The following CEP135 variants were observed in gnomAD, a reference collection of about 807,000 sequenced individuals.
CEP135 encodes the protein centrosomal protein of 135 kDa.
CEP135 carries 142 observed loss-of-function variants against 157.3 expected under a neutral mutation model. The observed-to-expected ratio is 0.90, with a 90% CI of 0.79 to 1.04. The LOEUF (loss-of-function observed/expected upper bound fraction) is 1.04. Ranked by LOEUF, CEP135 falls within the 50% of genes least tolerant of loss-of-function variation. The probability of loss-of-function intolerance (pLI) is 0.00; values close to 1 mark genes in which losing one functional copy is unlikely to be tolerated. For synonymous variants in CEP135, 396 were observed against 439.8 expected, an observed-to-expected ratio of 0.90 and a Z score of 1.25; for missense variants, 1,317 against 1,309.2, an observed-to-expected ratio of 1.01 and a Z score of -0.09.
chr4:55,969,212 C>A, intron 9 of CEP135, 84 bp downstream of exon 9: 2 of 1,076,892 alleles, frequency 1.9e-6, no homozygotes, highest in East Asian at 2.5e-5. Flanking sequence ...CACCTGAGGT[C>A]AGGAGTTCGA....
At chr4:55,968,957 G>A in intron 8 of CEP135, 106 bp from the exon 9 acceptor site, 1 of 726,228 alleles carries the variant, frequency 1.4e-6, no homozygotes, top group Non-Finnish European at 2.2e-6. Context: ...AGATCTCACT[G>A]GTAAGAGGGA....
chr4:56,032,407 T>C lies in CEP135; in HGVS notation c.*1059T>C, dbSNP rs1731383386. On this transcript the variant is annotated 3_prime_UTR_variant, in exon 26 of 26. Transcript: ENST00000257287. Reference sequence around the variant, plus strand: ...CTGCGGTGAGCCAAGATCATGCCATTGCACTCCAGCCTGGGTGACAGAGTA... The same window carrying C: ...CTGCGGTGAGCCAAGATCATGCCATCGCACTCCAGCCTGGGTGACAGAGTA... The C allele has an allele frequency of 6.6e-6, 1 of 151,218 alleles. No homozygotes were observed. The highest frequency in any genetic ancestry group is 2.1e-4 in the South Asian group (1 of 4,794). 9.4% of individuals were successfully genotyped at this position (151,218 alleles called of 1,614,324 possible).
chr4:55,952,982 C>A, intron 2 of CEP135, 103 bp from the exon 3 acceptor site: 1 of 971,882 alleles, frequency 1.0e-6, no homozygotes, highest in Non-Finnish European at 1.4e-6. Context: ...AAAATGTCAT[C>A]ATGTGGTGCA....
chr4:56,014,608 C>T (rs769294395), intron 21 of CEP135, among the ~76,000 whole-genome samples: 10 of 152,038 alleles, frequency 6.6e-5, no homozygotes, highest in East Asian at 1.9e-4. Flanking sequence ...GGGATGAACT[C>T]GGATATTTAG....
intron 14 of CEP135, among the ~76,000 whole-genome samples, chr4:55,989,556 CTTTG>C (rs1252069430): frequency 2.6e-5 from 4 of 152,246 alleles, no homozygotes; most frequent in East Asian, 3.9e-4. Flanking sequence ...AAAAAAAAAT[CTTTG>C]TTTATCTACT....
rs1346569815 is a variant in CEP135 at position 55,998,772 on chromosome 4, G to GGA, written c.2010-528_2010-527dup. Among the ~76,000 whole-genome samples, 3 of 152,274 alleles carry GGA rather than the reference G, an allele frequency of 2.0e-5. No individual in the cohort carries two copies. The East Asian group carries it at 5.8e-4, about 29-fold the overall frequency. The stretch of plus-strand genomic sequence containing the variant: ...CCCAGCCTCTAGGGATGCTGAGGTG[G>GGA]GAGGATCACCTGAGCCCAGGAGGCG... On this transcript the variant is annotated intron_variant, in intron 15 of 25. Transcript: ENST00000257287.
At chr4:56,028,668 TGATAGTTAAATA>T (rs1731231197) in intron 25 of CEP135, among the ~76,000 whole-genome samples, 1 of 152,196 alleles carries the variant, frequency 6.6e-6, no homozygotes, top group Non-Finnish European at 1.5e-5. Flanking sequence ...AGTGTCTCTC[TGATAGTTAAATA>T]GACAATCCAA....
intron 13 of CEP135, among the ~76,000 whole-genome samples, chr4:55,984,587 A>G (rs987447649): frequency 6.6e-6 from 1 of 152,208 alleles, no homozygotes; most frequent in Non-Finnish European, 1.5e-5. Flanking sequence ...ACTCAATACT[A>G]GTTGAGCAAT....
intron 4 of CEP135, among the ~76,000 whole-genome samples, chr4:55,955,970 A>T (rs1728490307): frequency 6.6e-6 from 1 of 152,096 alleles, no homozygotes; most frequent in Non-Finnish European, 1.5e-5. Flanking sequence ...ATCTAGTGAG[A>T]TTATGTAGAC....
At chr4:55,968,350 A>G (rs1238376328) in intron 8 of CEP135, among the ~76,000 whole-genome samples, 1 of 151,106 alleles carries the variant, frequency 6.6e-6, no homozygotes, top group Non-Finnish European at 1.5e-5. Context: ...AATTCAGCGC[A>G]TTCCCTATCA....
chr4:55,989,118 A>G (rs577064441), intron 14 of CEP135, among the ~76,000 whole-genome samples: 50 of 152,320 alleles, frequency 3.3e-4, no homozygotes, highest in African/African-American at 1.1e-3. Context: ...TTCTCAGACT[A>G]TTGGCTATTC....
intron 12 of CEP135, among the ~76,000 whole-genome samples, chr4:55,980,886 T>G (rs1250099661): frequency 6.6e-6 from 1 of 152,134 alleles, no homozygotes; most frequent in Non-Finnish European, 1.5e-5. Flanking sequence ...AAGAGTCACT[T>G]AATGAGTTTT....
At chr4:55,961,810 A>G (rs1162774192) in intron 6 of CEP135, among the ~76,000 whole-genome samples, 1 of 144,586 alleles carries the variant, frequency 6.9e-6, no homozygotes, top group Admixed American at 7.3e-5. Flanking sequence ...TCTTCTGAGA[A>G]TGTCACCTTG....
intron 9 of CEP135, among the ~76,000 whole-genome samples, chr4:55,969,763 T>C (rs1469008186): frequency 6.6e-6 from 1 of 152,244 alleles, no homozygotes; most frequent in Non-Finnish European, 1.5e-5. Context: ...ACTTTATGAT[T>C]TGTTAGTTGA....
chr4:55,994,686 CTTT>C (rs1167874369), intron 15 of CEP135, among the ~76,000 whole-genome samples: 3 of 139,870 alleles, frequency 2.1e-5, no homozygotes, highest in Admixed American at 1.4e-4. Context: ...CAAGCATAAT[CTTT>C]TTTTTTTTTT....
intron 17 of CEP135, among the ~76,000 whole-genome samples, chr4:56,001,476 G>A (rs989375361): frequency 3.9e-5 from 6 of 152,046 alleles, no homozygotes; most frequent in African/African-American, 1.4e-4. Flanking sequence ...TCTGTATATG[G>A]TTATCCAGTT....
chr4:56,020,112 A>G lies in CEP135; in HGVS notation c.3215+557A>G, dbSNP rs1730924882. Among the ~76,000 whole-genome samples, 4 of 152,200 alleles carry G rather than the reference A, an allele frequency of 2.6e-5. No individual in the cohort carries two copies. In the South Asian group the frequency reaches 8.3e-4, roughly 31 times the overall value. On this transcript the variant is annotated intron_variant, in intron 23 of 25. Transcript: ENST00000257287. ...AAGCGCCTACAGTTGAGGAATGGAC[A>G]GAGGAGTCAGTGAAGGAGAAAGTGT...
At chr4:55,967,153 T>G (rs1478938505) in intron 8 of CEP135, among the ~76,000 whole-genome samples, 1 of 152,022 alleles carries the variant, frequency 6.6e-6, no homozygotes, top group East Asian at 1.9e-4. Flanking sequence ...AAAAAGAAAT[T>G]TTTTATTTTT....
At chr4:55,985,023 G>T (rs1290763168) in intron 13 of CEP135, among the ~76,000 whole-genome samples, 1 of 151,546 alleles carries the variant, frequency 6.6e-6, no homozygotes, top group Non-Finnish European at 1.5e-5. Flanking sequence ...CTTTATAAAT[G>T]AATCCTTACT....
Sources: allele counts gnomAD v4.1 joint callset (sites outside exome capture counted in the v4.1 genomes callset), GRCh38; gene constraint gnomAD v4.1.1; transcripts MANE v1.5; gene names NCBI Gene and HGNC (gene_info 2026-07-23, HGNC 2026-07-21).